The following OR3A2 variants were observed in gnomAD, a reference collection of about 807,000 sequenced individuals.
The protein encoded by OR3A2 is olfactory receptor family 3 subfamily A member 2.
For synonymous variants in OR3A2, 126 were observed against 159.3 expected (o/e 0.79, Z 1.57); for missense variants, 318 against 392.8 (o/e 0.81, Z 1.61).
chr17:3,313,148 G>A (rs915663017), intron 3 of OR3A2, among the ~76,000 whole-genome samples: 5 of 152,238 alleles, frequency 3.3e-5, no homozygotes, highest in Non-Finnish European at 5.9e-5. Flanking sequence ...AGTCAATTTC[G>A]TGCACTATCG....
rs572108883 is a variant in OR3A2, at chr17:3,343,380, G to C, written c.-178-7254C>G. ...TGTAGACCAGAGCTGTTCCTATTCA[G>C]CCATCTTGAAATGAACCTACTTATA... On this transcript the variant is annotated intron_variant, in intron 2 of 4. Transcript: ENST00000573491. 3.9e-4 allele frequency among the ~76,000 whole-genome samples: 60 copies of C among 152,248 alleles called. 1 individual carries two copies. Among genetic ancestry groups the C allele is most frequent in the Non-Finnish European group, 1.8e-4 (12 of 68,014 alleles).
At chr17:3,373,045 A>G (rs2049646576) in intron 2 of OR3A2, among the ~76,000 whole-genome samples, 1 of 152,104 alleles carries the variant, frequency 6.6e-6, no homozygotes, top group Non-Finnish European at 1.5e-5. Context: ...TTCCATCATG[A>G]TTTTACTCAA....
chr17:3,353,140 T>A (rs757477497), intron 2 of OR3A2, among the ~76,000 whole-genome samples: 1 of 151,152 alleles, frequency 6.6e-6, no homozygotes, highest in African/African-American at 2.4e-5. Flanking sequence ...TTGAAGGGTA[T>A]ATCTAGGTTA....
At chr17:3,357,461 A>G (rs576968610) in intron 2 of OR3A2, among the ~76,000 whole-genome samples, 1 of 151,788 alleles carries the variant, frequency 6.6e-6, no homozygotes, top group South Asian at 2.1e-4. Flanking sequence ...GCTGCACACA[A>G]AGAGACATAT....
Position 3,295,225 on chromosome 17 carries a change from A to G in OR3A2, c.-84-16072T>C, listed in dbSNP as rs72809723. 3.3e-3 allele frequency among the ~76,000 whole-genome samples: 510 copies of G among 152,248 alleles called. 1 individual carries two copies. Among genetic ancestry groups the G allele is most frequent in the Non-Finnish European group, 5.0e-3 (341 of 67,952 alleles). On this transcript the variant is annotated intron_variant, in intron 3 of 4. Coordinates refer to the OR3A2 transcript ENST00000573491. ...ATCTTCTATAGCTGAATGTTAAAAGATATTATTTAAACCTGATAAATTACA... is the reference window on the plus strand; with the variant it reads ...ATCTTCTATAGCTGAATGTTAAAAGGTATTATTTAAACCTGATAAATTACA...
intron 3 of OR3A2, among the ~76,000 whole-genome samples, chr17:3,314,768 G>A (rs969502817): frequency 2.0e-5 from 3 of 152,178 alleles, no homozygotes; most frequent in African/African-American, 7.2e-5. Context: ...GCATGATGCT[G>A]AGATTTGGAG....
intron 2 of OR3A2, among the ~76,000 whole-genome samples, chr17:3,340,255 GTCTC>G (rs930607223): frequency 1.3e-5 from 2 of 151,930 alleles, no homozygotes; most frequent in African/African-American, 4.8e-5. Flanking sequence ...GGTTTTTTGT[GTCTC>G]TATCTCCTTC....
chr17:3,277,780 G>A (rs1019314191), exon 2 of OR3A2: 2 of 622,888 alleles, frequency 3.2e-6, no homozygotes, highest in African/African-American at 3.7e-5. Context: ...AGATCATAGA[G>A]GTACTCTAAT....
chr17:3,294,485 A>G (rs2048904311), intron 3 of OR3A2, among the ~76,000 whole-genome samples: 1 of 152,174 alleles, frequency 6.6e-6, no homozygotes, highest in African/African-American at 2.4e-5. Flanking sequence ...GAGTTACCAA[A>G]GGAGGAAATC....
chr17:3,326,605 A>T (rs1313248972), intron 3 of OR3A2, among the ~76,000 whole-genome samples: 1 of 149,532 alleles, frequency 6.7e-6, no homozygotes, highest in Non-Finnish European at 1.5e-5. Context: ...CACATTGTGC[A>T]GGTCAGTTAC....
rs61734049 is a variant in OR3A2 at position 3,311,005 on chromosome 17, G to A, written c.-85+25028C>T. ...GTGGCAGCTGCAGTCCTGCGAATCC[G>A]CTCTGCAGAGGGCAGAAAGAAAGCC... On this transcript the variant is annotated intron_variant, in intron 3 of 4. Transcript: ENST00000573491. The surrounding 1 kb of genome is among the most constrained non-coding windows in gnomAD (Gnocchi z 4.6). 4,138 of 550,130 alleles carry A rather than the reference G, an allele frequency of 7.5e-3. 42 individuals carry two copies. Among genetic ancestry groups the A allele is most frequent in the Non-Finnish European group, 8.5e-3 (2,301 of 271,200 alleles). 34.1% of individuals were successfully genotyped at this position (550,130 alleles called of 1,614,324 possible). A position where few individuals can be genotyped will look rare whatever the true frequency, so the allele number is the denominator to read the frequency against.
intron 1 of OR3A2, among the ~76,000 whole-genome samples, chr17:3,384,962 C>T (rs1023042545): frequency 2.6e-5 from 4 of 152,022 alleles, no homozygotes; most frequent in African/African-American, 7.2e-5. Flanking sequence ...GAGGCCAAGG[C>T]GGGTGGATCA....
chr17:3,326,081 G>T (rs1460197549), intron 3 of OR3A2, among the ~76,000 whole-genome samples: 1 of 152,026 alleles, frequency 6.6e-6, no homozygotes, highest in Non-Finnish European at 1.5e-5. Context: ...AAGGATAATG[G>T]CTTCCAGCTC....
At chr17:3,341,255 A>G (rs1283461023) in intron 2 of OR3A2, among the ~76,000 whole-genome samples, 3 of 137,182 alleles carry the variant, frequency 2.2e-5, no homozygotes, top group Non-Finnish European at 3.1e-5. Context: ...TGGGGCATTT[A>G]GCTCATTTAC....
chr17:3,289,399 T>C (rs1894302), intron 3 of OR3A2, among the ~76,000 whole-genome samples: 1 of 152,050 alleles, frequency 6.6e-6, no homozygotes, highest in Non-Finnish European at 1.5e-5. Flanking sequence ...AATCAGGCCT[T>C]TGGCCATTGT....
intron 2 of OR3A2, among the ~76,000 whole-genome samples, chr17:3,366,769 G>A (rs1231553729): frequency 6.6e-6 from 1 of 152,164 alleles, no homozygotes; most frequent in African/African-American, 2.4e-5. Flanking sequence ...GCTGTACTGA[G>A]GGAAATTCCA....
chr17:3,310,865 A>T lies in OR3A2; in HGVS notation c.-85+25168T>A, dbSNP rs1469171688. 5 of 1,043,914 alleles carry T rather than the reference A, an allele frequency of 4.8e-6. No individual in the cohort carries two copies. The Admixed American group carries it at 9.5e-5, about 20-fold the overall frequency. The allele number at this position is 1,043,914 out of a possible 1,614,324, so 64.7% of individuals were successfully genotyped here. On this transcript the variant is annotated intron_variant, in intron 3 of 4. Transcript: ENST00000573491. Reference sequence around the variant, plus strand: ...TCAATCACTTCTACTGTGACCTCCCACAGCCCTTCCAGCTCTCCTGCTCCA... The same window carrying T: ...TCAATCACTTCTACTGTGACCTCCCTCAGCCCTTCCAGCTCTCCTGCTCCA...
At chr17:3,293,672 A>G (rs901051252) in intron 3 of OR3A2, among the ~76,000 whole-genome samples, 1 of 152,232 alleles carries the variant, frequency 6.6e-6, no homozygotes, top group Non-Finnish European at 1.5e-5. Flanking sequence ...TGAACATATG[A>G]AAACTGTTAC....
At chr17:3,281,660 T>TG (rs2048777819) in intron 1 of OR3A2, among the ~76,000 whole-genome samples, 1 of 57,944 alleles carries the variant, frequency 1.7e-5, no homozygotes, top group Non-Finnish European at 2.8e-5. Context: ...TTTGTTTTGT[T>TG]TTCTCATTTT....
Sources: gnomAD v4.1 joint callset for allele counts (sites outside exome capture counted in the v4.1 genomes callset) on GRCh38, gnomAD v4.1.1 for gene constraint, Gnocchi (gnomAD v3.1) non-coding constraint, MANE v1.5 for transcripts, NCBI Gene and HGNC (gene_info 2026-07-23, HGNC 2026-07-21) for gene names.